PCDH15: variants seen among roughly 807,000 people sequenced by gnomAD.
PCDH15 encodes the protein protocadherin-15.
In PCDH15, 129 loss-of-function variants were observed where a neutral mutation model predicts 178.5. The observed-to-expected ratio is 0.72, with a 90% CI of 0.63 to 0.84. PCDH15 has a LOEUF of 0.84. Among genes scored for constraint, PCDH15 ranks in the 40% least tolerant of loss-of-function variants. PCDH15 has a pLI of 0.00. For missense variants in PCDH15, 2,230 were observed against 2,099.9 expected (o/e 1.06, Z -1.21); for synonymous variants, 800 against 732.0 (o/e 1.09, Z -1.50).
chr10:54,196,370 C>G (rs1014044919), intron 10 of PCDH15, among the ~76,000 whole-genome samples: 1 of 151,952 alleles, frequency 6.6e-6, no homozygotes, highest in African/African-American at 2.4e-5. Context: ...TCTCGATCTC[C>G]TGACCTCGTG....
chr10:55,273,556 T>C (rs1842505210), intron 1 of PCDH15, among the ~76,000 whole-genome samples: 1 of 152,074 alleles, frequency 6.6e-6, no homozygotes. Context: ...GGGGTGTGTG[T>C]GACTGATGTA....
chr10:54,365,148 C>T (rs1020086900), intron 5 of PCDH15, among the ~76,000 whole-genome samples: 2 of 152,048 alleles, frequency 1.3e-5, no homozygotes, highest in Non-Finnish European at 2.9e-5. Flanking sequence ...TAACCTTAAT[C>T]GCATCTGCAA....
At chr10:55,449,550 A>G (rs2132079142) in intron 2 of PCDH15, among the ~76,000 whole-genome samples, 1 of 152,258 alleles carries the variant, frequency 6.6e-6, no homozygotes, top group Middle Eastern at 3.4e-3. Context: ...GGTGAATACA[A>G]TTTTTAAAGA....
chr10:54,261,745 G>A (rs905231269), intron 8 of PCDH15, among the ~76,000 whole-genome samples: 18 of 152,106 alleles, frequency 1.2e-4, no homozygotes, highest in African/African-American at 4.3e-4. Flanking sequence ...AAGAGAATAA[G>A]GAGGAAGCAC....
chr10:55,466,452 A>C (rs1410015939), intron 2 of PCDH15, among the ~76,000 whole-genome samples: 1 of 152,178 alleles, frequency 6.6e-6, no homozygotes, highest in Admixed American at 6.5e-5. Context: ...CAATTACTAC[A>C]TATTAAACAC....
chr10:54,911,091 G>C (rs17511846), intron 2 of PCDH15, among the ~76,000 whole-genome samples: 37,588 of 152,174 alleles, frequency 0.25, 5,464 homozygotes, highest in Non-Finnish European at 0.33. Flanking sequence ...ATCCGCCCTA[G>C]TACCTAATTT....
At chr10:55,287,709 A>C (rs1349749806) in intron 1 of PCDH15, among the ~76,000 whole-genome samples, 1 of 151,846 alleles carries the variant, frequency 6.6e-6, no homozygotes, top group Non-Finnish European at 1.5e-5. Context: ...ATTTTCTTTA[A>C]TTTTCTTTCT....
intron 23 of PCDH15, among the ~76,000 whole-genome samples, chr10:53,955,430 C>T (rs939467355): frequency 2.0e-5 from 3 of 152,068 alleles, no homozygotes; most frequent in East Asian, 1.9e-4. Flanking sequence ...AGAACGGGGA[C>T]GTATGGGTCA....
At position 55,581,001 on chromosome 10, in the gene PCDH15, T is replaced by C. The variant is rs780397861; in HGVS notation, c.-156+46624A>G. Reference sequence around the variant, plus strand: ...AAACCACAATGAGATACGTTGCTTATCCAATTCTCTGAAGATGCAACTTAA... The same window carrying C: ...AAACCACAATGAGATACGTTGCTTACCCAATTCTCTGAAGATGCAACTTAA... On this transcript the variant is annotated intron_variant, in intron 2 of 5. Transcript: ENST00000613346. Among the ~76,000 whole-genome samples, 8 of 152,226 alleles carry C rather than the reference T, an allele frequency of 5.3e-5. No individual in the cohort carries two copies. In the East Asian group the frequency reaches 7.7e-4, roughly 15 times the overall value.
At chr10:54,635,828 A>G (rs777496951) in intron 2 of PCDH15, among the ~76,000 whole-genome samples, 2 of 151,966 alleles carry the variant, frequency 1.3e-5, no homozygotes, top group Non-Finnish European at 2.9e-5. Context: ...TATATTTATC[A>G]TTCAGAGGTG....
intron 2 of PCDH15, among the ~76,000 whole-genome samples, chr10:55,448,441 G>A (rs1309398409): frequency 2.6e-5 from 4 of 152,026 alleles, no homozygotes; most frequent in Non-Finnish European, 5.9e-5. Flanking sequence ...TACAGGATGA[G>A]TTTATACCTG....
chr10:54,771,665 C>T (rs1181047145), intron 1 of PCDH15, among the ~76,000 whole-genome samples: 3 of 151,884 alleles, frequency 2.0e-5, no homozygotes, highest in South Asian at 4.1e-4. Flanking sequence ...CCAAAAAAAA[C>T]ACCAAGCAAA....
At chr10:54,300,843 AT>A (rs2060107283) in intron 8 of PCDH15, among the ~76,000 whole-genome samples, 1 of 152,196 alleles carries the variant, frequency 6.6e-6, no homozygotes, top group African/African-American at 2.4e-5. Context: ...AATCAGCAGG[AT>A]GTGGATGGGG....
intron 26 of PCDH15, among the ~76,000 whole-genome samples, chr10:53,868,426 A>G (rs1018920185): frequency 6.6e-6 from 1 of 152,148 alleles, no homozygotes; most frequent in Admixed American, 6.5e-5. Flanking sequence ...TTTTACTTAT[A>G]TAAATTAGTG....
chr10:54,686,094 G>A (rs1346179358), intron 1 of PCDH15, among the ~76,000 whole-genome samples: 1 of 134,650 alleles, frequency 7.4e-6, no homozygotes, highest in African/African-American at 2.8e-5. Context: ...CACCATGTTG[G>A]TCAGGCTAGT....
In PCDH15 at chr10:53,922,837, A is replaced by G. The variant is rs1238270412; in HGVS notation, c.3373+15978T>C. ...TGTGGTGGCTCGTGCCTGTAATCCC[A>G]GCACTTTGGGAGGCTGGGGGTGGGT... On this transcript the variant is annotated intron_variant, in intron 25 of 37. Coordinates refer to ENST00000644397, the MANE Select transcript of PCDH15 (RefSeq NM_001384140.1). Among the ~76,000 whole-genome samples, 4 of 152,320 alleles carry G rather than the reference A, an allele frequency of 2.6e-5. No individual in the cohort carries two copies. In the East Asian group the frequency reaches 5.8e-4, roughly 22 times the overall value.
At chr10:53,949,678 C>T (rs2251970) in intron 23 of PCDH15, among the ~76,000 whole-genome samples, 2,174 of 151,936 alleles carry the variant, frequency 0.014, 48 homozygotes, top group African/African-American at 0.049. Context: ...GAGCTATGAC[C>T]GAGCCATTGC....
chr10:54,199,872 G>A (rs929509954), intron 10 of PCDH15, among the ~76,000 whole-genome samples: 42 of 152,124 alleles, frequency 2.8e-4, no homozygotes, highest in Admixed American at 1.9e-3. Flanking sequence ...TTTGAAAAGC[G>A]TCTGGGCATG....
At chr10:54,947,076 G>T (rs540545713) in intron 2 of PCDH15, among the ~76,000 whole-genome samples, 4 of 151,790 alleles carry the variant, frequency 2.6e-5, no homozygotes, top group Non-Finnish European at 5.9e-5. Flanking sequence ...TAGGTTTTAT[G>T]TTTATTTGTT....
Sources: gnomAD v4.1 joint callset for allele counts (sites outside exome capture counted in the v4.1 genomes callset) on GRCh38, gnomAD v4.1.1 for gene constraint, MANE v1.5 for transcripts, NCBI Gene and HGNC (gene_info 2026-07-23, HGNC 2026-07-21) for gene names.